Variants in UBE2G1 observed in about 807,000 individuals in gnomAD.
UBE2G1 encodes the protein ubiquitin-conjugating enzyme E2 G1.
In UBE2G1, 5 loss-of-function variants were observed where a neutral mutation model predicts 22.7. The observed-to-expected ratio is 0.22, with a 90% CI of 0.12 to 0.46. The LOEUF (loss-of-function observed/expected upper bound fraction) is 0.46, where lower values mean the gene tolerates loss of function less well. Among genes scored for constraint, UBE2G1 ranks in the 20% least tolerant of loss-of-function variants. The pLI is 0.99. For synonymous variants in UBE2G1, 74 were observed against 67.5 expected, an observed-to-expected ratio of 1.10 and a Z score of -0.47; for missense variants, 88 against 203.9, an observed-to-expected ratio of 0.43 and a Z score of 3.46.
chr17:4,272,131 C>T lies in UBE2G1; in HGVS notation c.*423G>A, dbSNP rs1968767789. 1 of 152,548 alleles carries T rather than the reference C, an allele frequency of 6.6e-6. No individual in the cohort carries two copies. The highest frequency in any genetic ancestry group is 6.6e-5 in the Admixed American group (1 of 15,258). 9.4% of individuals were successfully genotyped at this position (152,548 alleles called of 1,614,324 possible). On this transcript the variant is annotated 3_prime_UTR_variant, in exon 6 of 6. Transcript: ENST00000396981. Reference sequence around the variant, plus strand: ...TTCATCTGACATGCTTAAAGGAATCCTTTTAAACTGATAAGAAACAATGAA... The same window carrying T: ...TTCATCTGACATGCTTAAAGGAATCTTTTTAAACTGATAAGAAACAATGAA...
intron 1 of UBE2G1, among the ~76,000 whole-genome samples, chr17:4,337,669 A>G (rs1177128371): frequency 1.3e-5 from 2 of 151,826 alleles, no homozygotes; most frequent in African/African-American, 4.8e-5. Context: ...AAAAAAAAGA[A>G]AAGAAAAAAT....
At chr17:4,297,631 T>C (rs4790605) in intron 2 of UBE2G1, among the ~76,000 whole-genome samples, 145,869 of 152,254 alleles carry the variant, frequency 0.96, 70,209 homozygotes, top group East Asian at 1. Flanking sequence ...ATACTAAATT[T>C]CTGTCTTGCG....
chr17:4,276,962 G>A (rs1407309617), intron 5 of UBE2G1, among the ~76,000 whole-genome samples: 1 of 152,294 alleles, frequency 6.6e-6, no homozygotes, highest in East Asian at 1.9e-4. Flanking sequence ...TAATCCACTA[G>A]TCACTGAATG....
At position 4,335,686 on chromosome 17, in the gene UBE2G1, T is replaced by C. The variant is rs150724437; in HGVS notation, c.47-28563A>G. 1.8e-4 allele frequency among the ~76,000 whole-genome samples: 27 copies of C among 152,328 alleles called. No individual in the cohort carries two copies. In the East Asian group the frequency reaches 3.3e-3, roughly 18 times the overall value. The stretch of plus-strand genomic sequence containing the variant: ...AAATCAGCATGCATATTTCAATCAA[T>C]GGTACGTCATAGTTTCTTTGACAGC... On this transcript the variant is annotated intron_variant, in intron 1 of 5. Transcript: ENST00000396981.
At chr17:4,276,689 G>C (rs1968825544) in intron 5 of UBE2G1, among the ~76,000 whole-genome samples, 1 of 151,694 alleles carries the variant, frequency 6.6e-6, no homozygotes, top group African/African-American at 2.4e-5. Flanking sequence ...ACTGTGCTGA[G>C]TTACGCAATC....
At chr17:4,344,047 G>A (rs1969741590) in intron 1 of UBE2G1, among the ~76,000 whole-genome samples, 1 of 152,102 alleles carries the variant, frequency 6.6e-6, no homozygotes, top group African/African-American at 2.4e-5. Flanking sequence ...AAATACAATG[G>A]TACTCCAACA....
chr17:4,335,102 TAAAC>T (rs1243424204), intron 1 of UBE2G1: 5 of 152,210 alleles, frequency 3.3e-5, no homozygotes, highest in African/African-American at 7.2e-5. Flanking sequence ...GAAATGAAGA[TAAAC>T]AATCATAAAA....
chr17:4,285,659 G>C (rs1968954001), intron 4 of UBE2G1, among the ~76,000 whole-genome samples: 1 of 152,136 alleles, frequency 6.6e-6, no homozygotes, highest in East Asian at 1.9e-4. Flanking sequence ...AATCAAATCT[G>C]GGGCCAAAGC....
intron 1 of UBE2G1, among the ~76,000 whole-genome samples, chr17:4,341,305 G>C (rs1481260172): frequency 6.6e-6 from 1 of 152,080 alleles, no homozygotes; most frequent in Non-Finnish European, 1.5e-5. Flanking sequence ...GTATGAAAAT[G>C]TTCCCCATTT....
chr17:4,354,322 CA>C (rs1969879679), intron 1 of UBE2G1, among the ~76,000 whole-genome samples: 1 of 152,012 alleles, frequency 6.6e-6, no homozygotes, highest in Non-Finnish European at 1.5e-5. Flanking sequence ...CCTGAAACAC[CA>C]AAACAGCATC....
At chr17:4,278,780 T>A (rs1454470391) in intron 5 of UBE2G1, among the ~76,000 whole-genome samples, 1 of 152,158 alleles carries the variant, frequency 6.6e-6, no homozygotes, top group Non-Finnish European at 1.5e-5. Context: ...TATCTGGTAG[T>A]AAAGGGGAGC....
intron 1 of UBE2G1, chr17:4,331,754 G>A (rs1327525223): frequency 6.6e-6 from 1 of 152,212 alleles, no homozygotes; most frequent in Non-Finnish European, 1.5e-5. Context: ...AGTGGAGGGA[G>A]CAGAGAGCAG....
chr17:4,362,450 A>T (rs1446989469), intron 1 of UBE2G1, among the ~76,000 whole-genome samples: 2 of 152,152 alleles, frequency 1.3e-5, no homozygotes, highest in Non-Finnish European at 2.9e-5. Context: ...GCTGCTGAAC[A>T]TTCTATCTAT....
intron 1 of UBE2G1, among the ~76,000 whole-genome samples, chr17:4,334,346 AT>A (rs1438204829): frequency 3.3e-5 from 5 of 152,216 alleles, no homozygotes; most frequent in African/African-American, 1.2e-4. Flanking sequence ...GCAAAATCAG[AT>A]TTCTACTGTG....
At chr17:4,284,829 CTTTTCTTTCTTTTTTTTTTTTTT>C (rs1968941093) in intron 4 of UBE2G1, among the ~76,000 whole-genome samples, 1 of 68,050 alleles carries the variant, frequency 1.5e-5, no homozygotes, top group Non-Finnish European at 3.2e-5. Flanking sequence ...CTTTTCTTTT[CTTTTCTTTCTTTTTTTTTTTTTT>C]TTTTTTTTTG....
At chr17:4,279,766 C>T (rs1385095138) in intron 5 of UBE2G1, among the ~76,000 whole-genome samples, 1 of 112,418 alleles carries the variant, frequency 8.9e-6, no homozygotes, top group African/African-American at 3.0e-5. Flanking sequence ...CACAGCGAAA[C>T]TCTGCCCCCA....
intron 4 of UBE2G1, among the ~76,000 whole-genome samples, chr17:4,288,924 G>C (rs963732084): frequency 1.3e-5 from 2 of 151,944 alleles, no homozygotes; most frequent in African/African-American, 4.8e-5. Flanking sequence ...CATGTAATCG[G>C]AACAATTTGG....
chr17:4,356,336 C>T (rs1969906027), intron 1 of UBE2G1, among the ~76,000 whole-genome samples: 3 of 151,226 alleles, frequency 2.0e-5, no homozygotes, highest in South Asian at 2.1e-4. Context: ...TCAGCCTGGG[C>T]GACAAGAGCG....
intron 1 of UBE2G1, chr17:4,345,548 C>A (rs898581345): frequency 3.3e-5 from 5 of 152,160 alleles, no homozygotes; most frequent in African/African-American, 7.2e-5. Flanking sequence ...AGTAAATAAA[C>A]CTTCGGTAAC....
Sources: gnomAD v4.1 joint callset for allele counts (sites outside exome capture counted in the v4.1 genomes callset) on GRCh38, gnomAD v4.1.1 for gene constraint, MANE v1.5 for transcripts, NCBI Gene and HGNC (gene_info 2026-07-23, HGNC 2026-07-21) for gene names.